The following ADAMTS19 variants were observed in gnomAD, a reference collection of about 807,000 sequenced individuals.
ADAMTS19 encodes ADAM metallopeptidase with thrombospondin type 1 motif 19, also known as A disintegrin and metalloproteinase with thrombospondin motifs 19.
A neutral mutation model predicts 153.3 loss-of-function variants in ADAMTS19; 93 were observed. The ratio of observed to expected loss-of-function variants is 0.61; its 90% CI spans 0.51 to 0.72. The LOEUF is 0.72. ADAMTS19 is among the 30% of genes least tolerant of loss of function. The probability of loss-of-function intolerance (pLI) is 0.00; values close to 1 mark genes in which losing one functional copy is unlikely to be tolerated. For synonymous variants in ADAMTS19, 600 were observed against 556.6 expected, an observed-to-expected ratio of 1.08 and a Z score of -1.10; for missense variants, 1,482 against 1,552.1, an observed-to-expected ratio of 0.95 and a Z score of 0.76.
At position 129,589,604 on chromosome 5, in the gene ADAMTS19, C is replaced by G. The variant is rs568771062; in HGVS notation, c.1373-6955C>G. On this transcript the variant is annotated intron_variant, in intron 7 of 22. Transcript: ENST00000274487. ...AGTATTATTATGAAGTGGTTTCTTT[C>G]TCTAACTTACAAAAAGATATATTTG... 5.4e-4 allele frequency among the ~76,000 whole-genome samples: 82 copies of G among 152,150 alleles called. 1 individual carries two copies. The South Asian group carries it at 6.8e-3, about 13-fold the overall frequency.
intron 16 of ADAMTS19, among the ~76,000 whole-genome samples, chr5:129,669,322 C>A (rs1581208059): frequency 6.6e-6 from 1 of 151,884 alleles, no homozygotes; most frequent in African/African-American, 2.4e-5. Context: ...ATTTCTCTTT[C>A]TTCATGATTC....
At position 129,701,679 on chromosome 5, in the gene ADAMTS19, T is replaced by A. The variant is rs928508209; in HGVS notation, c.3159+87T>A. Reference sequence around the variant, plus strand: ...GGTTGGATCATGTTCAGAATCTGCATTGAAGTTGATATTTTTCTATACTAT... The same window carrying A: ...GGTTGGATCATGTTCAGAATCTGCAATGAAGTTGATATTTTTCTATACTAT... On this transcript the variant is annotated intron_variant, in intron 20 of 22. Transcript: ENST00000274487. 4.3e-6 allele frequency: 6 copies of A among 1,389,712 alleles called. No individual in the cohort carries two copies. In the Admixed American group the frequency reaches 8.1e-5, roughly 19 times the overall value. The allele number at this position is 1,389,712 out of a possible 1,614,324, so 86.1% of individuals were successfully genotyped here. A position where few individuals can be genotyped will look rare whatever the true frequency, so the allele number is the denominator to read the frequency against.
chr5:129,589,722 T>A (rs1223705041), intron 7 of ADAMTS19, among the ~76,000 whole-genome samples: 1 of 152,146 alleles, frequency 6.6e-6, no homozygotes, highest in Non-Finnish European at 1.5e-5. Context: ...TAGTTTTATA[T>A]CTGTGGTCTG....
intron 16 of ADAMTS19, among the ~76,000 whole-genome samples, chr5:129,671,218 G>A (rs1018785399): frequency 3.3e-5 from 5 of 152,074 alleles, no homozygotes; most frequent in Non-Finnish European, 5.9e-5. Flanking sequence ...AATAGAAATA[G>A]GAAACACCCA....
At chr5:129,677,847 CTG>C (rs1754618660) in intron 16 of ADAMTS19, among the ~76,000 whole-genome samples, 1 of 152,052 alleles carries the variant, frequency 6.6e-6, no homozygotes, top group South Asian at 2.1e-4. Context: ...ACATCTGGTT[CTG>C]TTGCCCAGGC....
chr5:129,630,851 C>T (rs1752254825), intron 10 of ADAMTS19, among the ~76,000 whole-genome samples: 2 of 151,658 alleles, frequency 1.3e-5, no homozygotes, highest in Non-Finnish European at 2.9e-5. Flanking sequence ...GGTTGTTGTC[C>T]AAAATATATA....
At chr5:129,561,357 G>A (rs961938352) in intron 7 of ADAMTS19, among the ~76,000 whole-genome samples, 37 of 152,102 alleles carry the variant, frequency 2.4e-4, no homozygotes, top group African/African-American at 7.7e-4. Flanking sequence ...GTGAAACCCC[G>A]TCTCTACTAA....
At chr5:129,514,062 G>T (rs868222434) in intron 3 of ADAMTS19, among the ~76,000 whole-genome samples, 1 of 151,624 alleles carries the variant, frequency 6.6e-6, no homozygotes. Context: ...TGTGCCTGGC[G>T]TCTTTCACTT....
At chr5:129,647,078 C>A (rs17617398) in intron 11 of ADAMTS19, among the ~76,000 whole-genome samples, 12,170 of 151,912 alleles carry the variant, frequency 0.08, 585 homozygotes, top group Middle Eastern at 0.15. Flanking sequence ...TTCCAGTTAT[C>A]TTTACCAGTT....
chr5:129,722,477 T>C (rs1757045586), intron 21 of ADAMTS19, among the ~76,000 whole-genome samples: 1 of 151,600 alleles, frequency 6.6e-6, no homozygotes, highest in East Asian at 1.9e-4. Flanking sequence ...TTAAATTCCT[T>C]GTAAATTCTG....
chr5:129,560,699 G>A (rs1401970560), intron 7 of ADAMTS19, among the ~76,000 whole-genome samples: 1 of 152,164 alleles, frequency 6.6e-6, no homozygotes, highest in Non-Finnish European at 1.5e-5. Flanking sequence ...AACTTTTTAA[G>A]TACTACTGTA....
At position 129,645,793 on chromosome 5, in the gene ADAMTS19, AT is replaced by A. The variant is rs201046399; in HGVS notation, c.1873-1963del. Among the ~76,000 whole-genome samples, 181 of 151,376 alleles carry A rather than the reference AT, an allele frequency of 1.2e-3. 3 individuals carry two copies. The East Asian group carries it at 0.032, about 27-fold the overall frequency. ...TGAAGTTTGACAACTTTCACATTGA[AT>A]TTTTTTTTCCATGAATGGCATAACT... is the stretch of plus-strand genomic sequence containing the variant. On this transcript the variant is annotated intron_variant, in intron 11 of 22. Transcript: ENST00000274487.
chr5:129,486,879 A>G (rs1750613518), intron 2 of ADAMTS19, among the ~76,000 whole-genome samples: 2 of 152,234 alleles, frequency 1.3e-5, no homozygotes, highest in Non-Finnish European at 2.9e-5. Flanking sequence ...GTAATCTAAA[A>G]TAGCAACTAG....
chr5:129,534,177 CTAATGTTGACAGTGGGGTGTTA>C (rs1752321374), intron 6 of ADAMTS19, among the ~76,000 whole-genome samples: 1 of 152,000 alleles, frequency 6.6e-6, no homozygotes, highest in Non-Finnish European at 1.5e-5. Context: ...ATTGATCTGT[CTAATGTTGACAGTGGGGTGTTA>C]AAGTCTCCCA....
intron 7 of ADAMTS19, among the ~76,000 whole-genome samples, chr5:129,565,299 G>A (rs144640031): frequency 6.6e-6 from 1 of 152,166 alleles, no homozygotes; most frequent in African/African-American, 2.4e-5. Context: ...CAAAGCATTG[G>A]CTATTGGCAC....
At chr5:129,523,138 A>G (rs1751885760) in intron 3 of ADAMTS19, among the ~76,000 whole-genome samples, 1 of 152,102 alleles carries the variant, frequency 6.6e-6, no homozygotes, top group Non-Finnish European at 1.5e-5. Flanking sequence ...AAGGTAGGAT[A>G]TGTGGTTAGT....
chr5:129,571,131 G>T lies in ADAMTS19; in HGVS notation c.1372+19224G>T, dbSNP rs151151967. On this transcript the variant is annotated intron_variant, in intron 7 of 22. Transcript: ENST00000274487. Reference sequence around the variant, plus strand: ...TGAAGGAAGAAATAAAACTGTCTCTGCAGAAAACATTATTGTTTACATAGA... The same window carrying T: ...TGAAGGAAGAAATAAAACTGTCTCTTCAGAAAACATTATTGTTTACATAGA... Among the ~76,000 whole-genome samples the T allele has an allele frequency of 6.5e-3, 980 of 151,848 alleles. 14 individuals carry two copies. Among genetic ancestry groups the T allele is most frequent in the African/African-American group, 0.023 (941 of 41,442 alleles).
intron 8 of ADAMTS19, among the ~76,000 whole-genome samples, chr5:129,609,761 A>T (rs1289036467): frequency 1.3e-5 from 2 of 152,144 alleles, no homozygotes; most frequent in Non-Finnish European, 2.9e-5. Context: ...AGACGGAAAA[A>T]AATCACCCAG....
At chr5:129,713,512 A>G (rs1364085501) in intron 21 of ADAMTS19, among the ~76,000 whole-genome samples, 2 of 152,172 alleles carry the variant, frequency 1.3e-5, no homozygotes, top group African/African-American at 2.4e-5. Context: ...TGTAATCACA[A>G]CACTTTGGGT....
Sources: allele counts gnomAD v4.1 joint callset (sites outside exome capture counted in the v4.1 genomes callset), GRCh38; gene constraint gnomAD v4.1.1; transcripts MANE v1.5; gene names NCBI Gene and HGNC (gene_info 2026-07-23, HGNC 2026-07-21).